Variants in REXO1 observed in about 807,000 individuals in gnomAD.
REXO1 encodes the protein RNA exonuclease 1 homolog.
A neutral mutation model predicts 102.6 loss-of-function variants in REXO1; 42 were observed. The observed-to-expected ratio is 0.41, with a 90% CI of 0.32 to 0.53. The LOEUF is 0.53. Among genes scored for constraint, REXO1 ranks in the 20% least tolerant of loss-of-function variants. The pLI, the probability that REXO1 is intolerant of heterozygous loss-of-function variation, is 0.27. For synonymous variants in REXO1, 908 were observed against 779.1 expected, an observed-to-expected ratio of 1.17 and a Z score of -2.76; for missense variants, 1,819 against 1,732.5, an observed-to-expected ratio of 1.05 and a Z score of -0.89.
chr19:1,823,738 C>T lies in REXO1; in HGVS notation c.2064G>A (p.Pro688=), dbSNP rs759675796. ...GCAGGTAGCACACCTCCTGCGCCGT[C>T]GGGGGCCGGGCCGGGGGCACCGCGG... ...RGPAVPPARP[P]TAQEVCYLRA... The change falls in exon 4 of 16, where the codon CCG becomes CCA. Residue 688 remains proline (P), a synonymous_variant. Coordinates refer to ENST00000170168, the MANE Select transcript of REXO1 (RefSeq NM_020695.4). The T allele has an allele frequency of 1.3e-5, 16 of 1,263,288 alleles. No individual in the cohort carries two copies. Among genetic ancestry groups the T allele is most frequent in the South Asian group, 1.1e-4 (3 of 27,454 alleles). 78.3% of individuals were successfully genotyped at this position (1,263,288 alleles called of 1,614,324 possible).
Position 1,828,555 on chromosome 19 carries a change from C to T in REXO1, c.234G>A (p.Gly78=), listed in dbSNP as rs116687179. ...AQRENGTLGL[G]EEPRPDVLEL... is the part of the protein sequence containing the mutation. The stretch of plus-strand genomic sequence containing the variant: ...CCAGCACATCCGGGCGCGGCTCCTC[C>T]CCCAGGCCCAGGGTGCCATTCTCCC... The change falls in exon 2 of 16, where the codon GGG becomes GGA. Residue 78 remains glycine, a synonymous_variant. Transcript: ENST00000170168. The T allele has an allele frequency of 8.1e-4, 1,302 of 1,604,250 alleles. 7 individuals are homozygous for T. In the African/African-American group the frequency reaches 0.015, roughly 19 times the overall value.
In REXO1 at chr19:1,825,922, C is replaced by T. The variant is rs1367243927; in HGVS notation, c.1933G>A (p.Glu645Lys). Reference protein sequence around the residue: ...ARQPPKEEKSEEKGLSGLTTL... With the variant: ...ARQPPKEEKSKEKGLSGLTTL... ...GTCAGACCCGAAAGCCCCTTCTCCT[C>T]ACTCTTCTCTTCCTTGGGGGGCTAA... Residue 645 changes from glutamate to lysine, a missense_variant, in exon 3 of 16, where the codon GAG (glutamate) becomes AAG (lysine). Glu to Lys is a moderately conservative substitution (Grantham distance 56, BLOSUM62 1). Transcript: ENST00000170168. 1 of 1,601,382 alleles carries T rather than the reference C, an allele frequency of 6.2e-7. No individual in the cohort carries two copies.
chr19:1,819,610 A>G (rs1446166344), intron 7 of REXO1, among the ~76,000 whole-genome samples: 1 of 152,118 alleles, frequency 6.6e-6, no homozygotes. Flanking sequence ...TCCTCCCCAG[A>G]GCTTAATGCA....
At chr19:1,833,845 C>T (rs1469739272) in intron 1 of REXO1, among the ~76,000 whole-genome samples, 2 of 152,214 alleles carry the variant, frequency 1.3e-5, no homozygotes, top group Non-Finnish European at 2.9e-5. Flanking sequence ...TGCAGAGATT[C>T]ATGAAGGGGA....
Position 1,848,417 on chromosome 19 carries a change from T to G in REXO1, c.-59A>C. 2.3e-5 allele frequency: 26 copies of G among 1,118,608 alleles called. No homozygotes were observed. Among genetic ancestry groups the G allele is most frequent in the Non-Finnish European group, 1.1e-5 (10 of 911,366 alleles). 69.3% of individuals were successfully genotyped at this position (1,118,608 alleles called of 1,614,324 possible). ...CGCCCGGGCCCCAGGGCCCCCTCACTGGCGCCGCGGTCGCCGCCGCCCGCG... is the reference window on the plus strand; with the variant it reads ...CGCCCGGGCCCCAGGGCCCCCTCACGGGCGCCGCGGTCGCCGCCGCCCGCG... On this transcript the variant is annotated 5_prime_UTR_variant, in exon 1 of 16. Coordinates refer to ENST00000170168, the MANE Select transcript of REXO1 (RefSeq NM_020695.4).
intron 1 of REXO1, among the ~76,000 whole-genome samples, chr19:1,842,614 T>A (rs1027306861): frequency 1.6e-4 from 24 of 152,256 alleles, no homozygotes; most frequent in African/African-American, 5.5e-4. Flanking sequence ...GGAAGTCAGG[T>A]GAGGACCTCA....
rs1555816466 is a variant in REXO1, at chr19:1,817,135, C to CCAAGATGGGGCCAGATGGGG, written c.3201+83_3201+84insCCCCATCTGGCCCCATCTTG. 7 of 1,442,172 alleles carry CCAAGATGGGGCCAGATGGGG rather than the reference C, an allele frequency of 4.9e-6. No individual in the cohort carries two copies. The African/African-American group carries it at 9.9e-5, about 20-fold the overall frequency. The allele number at this position is 1,442,172 out of a possible 1,614,324, so 89.3% of individuals were successfully genotyped here. Reference sequence around the variant, plus strand: ...CCTGAGCGCTGGCCGGTGAGCCAGGCCCAGATGGGGCCAGATGGGGCGGCC... The same window carrying CCAAGATGGGGCCAGATGGGG: ...CCTGAGCGCTGGCCGGTGAGCCAGGCCAAGATGGGGCCAGATGGGGCCAGATGGGGCCAGATGGGGCGGCC... On this transcript the variant is annotated intron_variant, in intron 12 of 15. Transcript: ENST00000170168.
chr19:1,837,595 C>A (rs1599164468), intron 1 of REXO1, among the ~76,000 whole-genome samples: 1 of 152,330 alleles, frequency 6.6e-6, no homozygotes, highest in Middle Eastern at 3.4e-3. Flanking sequence ...TGCCCCACCC[C>A]CCACACCAGA....
chr19:1,834,976 C>T (rs901830381), intron 1 of REXO1: 3 of 436,700 alleles, frequency 6.9e-6, no homozygotes, highest in Non-Finnish European at 1.4e-5. Flanking sequence ...AGGCAGCATC[C>T]TGGCCTGGGC....
At chr19:1,819,796 C>T in intron 7 of REXO1, 138 bp downstream of exon 7, 2 of 939,560 alleles carry the variant, frequency 2.1e-6, no homozygotes, top group Non-Finnish European at 1.5e-6. Context: ...AGCAGGCAGC[C>T]CCCCCACAGC....
chr19:1,843,565 AG>A (rs2011396615), intron 1 of REXO1, among the ~76,000 whole-genome samples: 1 of 152,222 alleles, frequency 6.6e-6, no homozygotes, highest in South Asian at 2.1e-4. Context: ...ACTCCAGGCC[AG>A]GCAGGCAGGC....
At chr19:1,833,363 G>A (rs564493070) in intron 1 of REXO1, among the ~76,000 whole-genome samples, 1 of 152,340 alleles carries the variant, frequency 6.6e-6, no homozygotes, top group East Asian at 1.9e-4. Context: ...GAAGCCACAG[G>A]TTCTTCTTTG....
chr19:1,824,929 G>A (rs891639580), intron 3 of REXO1, among the ~76,000 whole-genome samples: 2 of 152,038 alleles, frequency 1.3e-5, no homozygotes, highest in Non-Finnish European at 2.9e-5. Flanking sequence ...GGGATTACAG[G>A]TGCGTGCCAC....
intron 4 of REXO1, chr19:1,822,161 C>T: frequency 2.8e-6 from 1 of 353,178 alleles, no homozygotes; most frequent in Non-Finnish European, 5.0e-6. Flanking sequence ...ACGCGGGCAG[C>T]TGCAACCTGG....
chr19:1,834,452 T>C lies in REXO1; in HGVS notation c.158-5821A>G, dbSNP rs28377189. Among the ~76,000 whole-genome samples the C allele has an allele frequency of 1.6e-3, 242 of 152,220 alleles. 1 individual carries two copies. The highest frequency in any genetic ancestry group is 5.3e-3 in the African/African-American group (222 of 41,548). ...TTTTGTTGTTTTGTGGAGACAGGCA[T>C]TGCCCAGGCTGGAGTGCAGTGGTAC... On this transcript the variant is annotated intron_variant, in intron 1 of 15. Coordinates refer to ENST00000170168, the MANE Select transcript of REXO1 (RefSeq NM_020695.4).
In REXO1 at chr19:1,821,402, G is replaced by A. The variant is rs1347052456; in HGVS notation, c.2394+117C>T. ...GGGAAGGTGAAGGCTGTACTGCGGT[G>A]TGGAGCACGAAGGCCCGCAGGGCAG... On this transcript the variant is annotated intron_variant, in intron 5 of 15. Transcript: ENST00000170168. 8.5e-6 allele frequency: 10 copies of A among 1,175,976 alleles called. No homozygotes were observed. The African/African-American group carries it at 1.1e-4, about 13-fold the overall frequency. The allele number at this position is 1,175,976 out of a possible 1,614,324, so 72.8% of individuals were successfully genotyped here.
At chr19:1,817,862 G>A (rs977387146) in intron 10 of REXO1, 82 bp from the exon 11 acceptor site, 15 of 1,154,012 alleles carry the variant, frequency 1.3e-5, no homozygotes, top group East Asian at 2.5e-5. Context: ...TGCATCTACC[G>A]AGCCCTACTA....
In REXO1 at chr19:1,827,700, C is replaced by A; in HGVS notation, c.1089G>T (p.Gln363His). 6.4e-7 allele frequency: 1 copy of A among 1,569,862 alleles called. No individual in the cohort carries two copies. Among genetic ancestry groups the A allele is most frequent in the Non-Finnish European group, 8.5e-7 (1 of 1,170,850 alleles). The change falls in exon 2 of 16, where the codon CAG becomes CAT. Residue 363 changes from glutamine to histidine, a missense_variant. Gln to His is a conservative substitution (Grantham distance 24, BLOSUM62 0). Coordinates refer to ENST00000170168, the MANE Select transcript of REXO1 (RefSeq NM_020695.4). ...PAKPASPAQVQSSQDGGCPKE... is the reference protein window; with the variant it reads ...PAKPASPAQVHSSQDGGCPKE... ...TGGGGCAGCCCCCATCCTGTGAGGACTGGACCTGGGCTGGGGAGGCGGGCT... is the reference window on the plus strand; with the variant it reads ...TGGGGCAGCCCCCATCCTGTGAGGAATGGACCTGGGCTGGGGAGGCGGGCT...
rs368184628 is a variant in REXO1, at chr19:1,825,957, C to T, written c.1912-14G>A. 1 of 1,589,870 alleles carries T rather than the reference C, an allele frequency of 6.3e-7. No individual in the cohort carries two copies. Among genetic ancestry groups the T allele is most frequent in the Non-Finnish European group, 8.6e-7 (1 of 1,158,640 alleles). ...TTCCTTGGGGGGCTAAGACACATGTCCGTCCGTCAGCACAGGTCTGCCCTC... is the reference window on the plus strand; with the variant it reads ...TTCCTTGGGGGGCTAAGACACATGTTCGTCCGTCAGCACAGGTCTGCCCTC... On this transcript the variant is annotated splice_polypyrimidine_tract_variant and intron_variant, in intron 2 of 15. Transcript: ENST00000170168.
Sources: gnomAD v4.1 joint callset for allele counts (sites outside exome capture counted in the v4.1 genomes callset) on GRCh38, gnomAD v4.1.1 for gene constraint, MANE v1.5 for transcripts, NCBI Gene and HGNC (gene_info 2026-07-23, HGNC 2026-07-21) for gene names.